CLEC1A: variants seen among roughly 807,000 people sequenced by gnomAD.
The protein encoded by CLEC1A is C-type lectin-like receptor-1.
A neutral mutation model predicts 28.7 loss-of-function variants in CLEC1A; 34 were observed. The observed-to-expected ratio is 1.18, with a 90% CI of 0.90 to 1.57. CLEC1A has a LOEUF of 1.57. CLEC1A is among the 40% of genes most tolerant of loss of function. The pLI, the probability that CLEC1A is intolerant of heterozygous loss-of-function variation, is 0.00. For synonymous variants in CLEC1A, 116 were observed against 121.0 expected (o/e 0.96, Z 0.27); for missense variants, 385 against 339.5 (o/e 1.13, Z -1.05).
chr12:10,097,907 AGTTTAGTT>A, intron 1 of CLEC1A, among the ~76,000 whole-genome samples: 1 of 12,216 alleles, frequency 8.2e-5, no homozygotes, highest in Non-Finnish European at 6.6e-4. Context: ...CTTACTGGGT[AGTTTAGTT>A]AAAAAAAAAA....
intron 1 of CLEC1A, 64 bp from the exon 2 acceptor site, chr12:10,089,286 C>T (rs1245261078): frequency 3.7e-6 from 5 of 1,337,024 alleles, no homozygotes; most frequent in African/African-American, 2.9e-5. Context: ...AAGTCAATAA[C>T]AGGTAAGGGA....
intron 2 of CLEC1A, among the ~76,000 whole-genome samples, chr12:10,088,724 G>C (rs1022281742): frequency 2.0e-5 from 3 of 151,858 alleles, no homozygotes; most frequent in African/African-American, 7.3e-5. Context: ...TTGTATTGAT[G>C]GTACCCGTGG....
chr12:10,087,473 TA>T (rs1020274369), intron 2 of CLEC1A, among the ~76,000 whole-genome samples: 17 of 244 alleles, frequency 0.07, no homozygotes, highest in Admixed American at 0.14. Context: ...ACCTCAAAGT[TA>T]TATATATATA....
intron 4 of CLEC1A, among the ~76,000 whole-genome samples, chr12:10,074,614 G>A (rs1175304650): frequency 6.6e-6 from 1 of 152,032 alleles, no homozygotes; most frequent in Admixed American, 6.6e-5. Context: ...AAATTAGGAG[G>A]GTTTATGCTA....
chr12:10,098,762 A>C (rs1947810430), intron 1 of CLEC1A, 46 bp downstream of exon 1: 3 of 1,253,526 alleles, frequency 2.4e-6, no homozygotes, highest in African/African-American at 3.0e-5. Flanking sequence ...CATCTCACAC[A>C]TTTCACAAGG....
intron 2 of CLEC1A, among the ~76,000 whole-genome samples, chr12:10,086,934 G>A (rs1035492974): frequency 1.3e-5 from 2 of 151,912 alleles, no homozygotes; most frequent in Admixed American, 1.3e-4. Context: ...GGCCTGGCAC[G>A]GTGGCTCATG....
intron 1 of CLEC1A, among the ~76,000 whole-genome samples, chr12:10,089,478 A>G (rs1308510138): frequency 6.6e-6 from 1 of 151,972 alleles, no homozygotes; most frequent in Admixed American, 6.6e-5. Flanking sequence ...TTTGCACTGA[A>G]TCACACTATG....
intron 3 of CLEC1A, among the ~76,000 whole-genome samples, chr12:10,076,547 A>G (rs1228803019): frequency 6.6e-6 from 1 of 152,164 alleles, no homozygotes; most frequent in Non-Finnish European, 1.5e-5. Context: ...GTGGAGCTCA[A>G]TAGCTTTTGC....
intron 2 of CLEC1A, among the ~76,000 whole-genome samples, chr12:10,087,520 TTG>T (rs1866525860): frequency 1.6e-5 from 2 of 121,458 alleles, no homozygotes; most frequent in African/African-American, 6.7e-5. Flanking sequence ...ATATATATAT[TTG>T]TTTTTTTTTT....
At chr12:10,094,713 C>T (rs1947754000) in intron 1 of CLEC1A, among the ~76,000 whole-genome samples, 1 of 152,146 alleles carries the variant, frequency 6.6e-6, no homozygotes, top group South Asian at 2.1e-4. Context: ...CATAGAATGA[C>T]AGCAGCTTGC....
chr12:10,081,963 A>C (rs1353684242), intron 2 of CLEC1A, among the ~76,000 whole-genome samples: 12 of 152,110 alleles, frequency 7.9e-5, no homozygotes, highest in African/African-American at 2.7e-4. Flanking sequence ...AAAATATAAA[A>C]GTAGAAGAAG....
chr12:10,077,885 C>T (rs552843586), intron 3 of CLEC1A, among the ~76,000 whole-genome samples: 2 of 152,232 alleles, frequency 1.3e-5, no homozygotes, highest in South Asian at 4.2e-4. Context: ...ACTCCCCAAA[C>T]AGCATTCCTG....
chr12:10,072,121 T>A (rs1436585143), intron 5 of CLEC1A, among the ~76,000 whole-genome samples: 1 of 152,080 alleles, frequency 6.6e-6, no homozygotes, highest in African/African-American at 2.4e-5. Flanking sequence ...ATGAGTGAGT[T>A]CTCACTCAGT....
intron 2 of CLEC1A, among the ~76,000 whole-genome samples, chr12:10,087,525 T>G (rs74530976): frequency 0.46 from 57,683 of 124,836 alleles, 16,793 homozygotes; most frequent in Middle Eastern, 0.74. Flanking sequence ...TATATTTGTT[T>G]TTTTTTTTTT....
At chr12:10,097,789 G>A (rs184185341) in intron 1 of CLEC1A, among the ~76,000 whole-genome samples, 28 of 151,848 alleles carry the variant, frequency 1.8e-4, no homozygotes, top group African/African-American at 3.4e-4. Flanking sequence ...GGAGGAAAAC[G>A]CTTTGTATCC....
At chr12:10,076,981 TG>T (rs1451869284) in intron 3 of CLEC1A, among the ~76,000 whole-genome samples, 2 of 152,176 alleles carry the variant, frequency 1.3e-5, no homozygotes. Context: ...TCACATACAA[TG>T]TTTTCTTAAA....
At position 10,092,618 on chromosome 12, in the gene CLEC1A, T is replaced by A. The variant is rs529481470; in HGVS notation, c.116-3396A>T. 1.5e-3 allele frequency: 226 copies of A among 149,138 alleles called. 1 individual carries two copies. The highest frequency in any genetic ancestry group is 4.6e-4 in the Non-Finnish European group (31 of 67,554). 9.2% of individuals were successfully genotyped at this position (149,138 alleles called of 1,614,324 possible). ...TAAATCTGCTTTCTCTCGCATAATA[T>A]TGAGGACATAGGAGTTGTTGTTTTC... is the stretch of plus-strand genomic sequence containing the variant. On this transcript the variant is annotated intron_variant, in intron 1 of 5. Coordinates refer to ENST00000315330, the MANE Select transcript of CLEC1A (RefSeq NM_016511.4).
rs1866117695 is a variant in CLEC1A at position 10,071,134 on chromosome 12, G to C, written c.*199C>G. 2.2e-6 allele frequency: 1 copy of C among 449,850 alleles called. No individual in the cohort carries two copies. The allele number at this position is 449,850 out of a possible 1,614,324, so 27.9% of individuals were successfully genotyped here. A position where few individuals can be genotyped will look rare whatever the true frequency, so the allele number is the denominator to read the frequency against. On this transcript the variant is annotated 3_prime_UTR_variant, in exon 6 of 6. Transcript: ENST00000315330. ...AGGTTGGTTGGTGGCATGTAAATAA[G>C]ACTTCTTGTGACTGTTAAATACGTG...
At chr12:10,090,803 TCA>T (rs1279673230) in intron 1 of CLEC1A, among the ~76,000 whole-genome samples, 5 of 128,358 alleles carry the variant, frequency 3.9e-5, no homozygotes, top group African/African-American at 8.7e-5. Flanking sequence ...AAATCACTTT[TCA>T]CAGATTGCTC....
Sources: allele counts gnomAD v4.1 joint callset (sites outside exome capture counted in the v4.1 genomes callset), GRCh38; gene constraint gnomAD v4.1.1; transcripts MANE v1.5; gene names NCBI Gene and HGNC (gene_info 2026-07-23, HGNC 2026-07-21).